GDAP1: variants seen among roughly 807,000 people sequenced by gnomAD.
The protein encoded by GDAP1 is ganglioside induced differentiation associated protein 1.
GDAP1 carries 34 observed loss-of-function variants against 40.1 expected under a neutral mutation model. That is an observed-to-expected ratio of 0.85 (90% CI 0.64 to 1.13). GDAP1 has a LOEUF of 1.13. GDAP1 is among the 50% of genes most tolerant of loss of function. GDAP1 has a pLI of 0.00. For missense variants in GDAP1, 374 were observed against 433.7 expected (o/e 0.86, Z 1.22); for synonymous variants, 170 against 157.4 (o/e 1.08, Z -0.60).
In GDAP1 at chr8:74,360,142, A is replaced by C; in HGVS notation, c.316A>C (p.Thr106Pro). 1 of 1,611,702 alleles carries C rather than the reference A, an allele frequency of 6.2e-7. No individual in the cohort carries two copies. Among genetic ancestry groups the C allele is most frequent in the Non-Finnish European group, 8.5e-7 (1 of 1,177,784 alleles). The change falls in exon 3 of 6, where the codon ACA becomes CCA. Residue 106 changes from threonine (T) to proline (P), a missense_variant. Coordinates refer to ENST00000220822, the MANE Select transcript of GDAP1 (RefSeq NM_018972.4). ...TTTGTGTGTGTGTATTTTAGAAAGA[A>C]CACCCAGGTTAATGCCTGATAAAGA... ...YLEQTFLDER[T>P]PRLMPDKESM...
At chr8:74,352,688 A>C (rs183282151) in intron 2 of GDAP1, among the ~76,000 whole-genome samples, 3 of 152,180 alleles carry the variant, frequency 2.0e-5, no homozygotes, top group Non-Finnish European at 4.4e-5. Flanking sequence ...CTTTCTTTTC[A>C]TCTTTATTTG....
intron 2 of GDAP1, among the ~76,000 whole-genome samples, chr8:74,488,473 CTAAAG>C (rs1407312862): frequency 6.6e-6 from 1 of 152,074 alleles, no homozygotes; most frequent in African/African-American, 2.4e-5. Flanking sequence ...TTCTTGGACT[CTAAAG>C]AAACAAATAT....
In GDAP1 at chr8:74,418,157, A is replaced by G. The variant is rs111354530; in HGVS notation, c.165+66836A>G. On this transcript the variant is annotated intron_variant, in intron 2 of 2. Transcript: ENST00000523640. ...ATGCCATTCCAATCAAAATCCCGGCAGATGTTTTTGTAGATATAGATAAGC... is the reference window on the plus strand; with the variant it reads ...ATGCCATTCCAATCAAAATCCCGGCGGATGTTTTTGTAGATATAGATAAGC... Among the ~76,000 whole-genome samples the G allele has an allele frequency of 5.3e-3, 805 of 152,336 alleles. 8 individuals are homozygous for G. The highest frequency in any genetic ancestry group is 0.017 in the African/African-American group (699 of 41,554).
rs769632836 is a variant in GDAP1, at chr8:74,351,347, A to G, written c.191A>G (p.Asn64Ser). The change falls in exon 2 of 6, where the codon AAT becomes AGT. Residue 64 changes from asparagine (N) to serine (S), a missense_variant. Physicochemically the swap from Asn to Ser is conservative, Grantham distance 46. Transcript: ENST00000220822. ...GTAAGTCTGCCCTTGAGTGAGCACA[A>G]TGAGCCTTGGTTTATGCGTTTGAAC... ...HDVSLPLSEH[N>S]EPWFMRLNST... The G allele has an allele frequency of 9.9e-6, 16 of 1,613,936 alleles. No homozygotes were observed. Among genetic ancestry groups the G allele is most frequent in the Admixed American group, 3.3e-5 (2 of 60,012 alleles).
At chr8:74,463,507 T>C (rs1238119853) in intron 2 of GDAP1, among the ~76,000 whole-genome samples, 2 of 151,792 alleles carry the variant, frequency 1.3e-5, no homozygotes, top group Non-Finnish European at 2.9e-5. Flanking sequence ...CTACACAATA[T>C]GCTGGAATGT....
intron 2 of GDAP1, among the ~76,000 whole-genome samples, chr8:74,392,965 GCTATACAGAATC>G (rs1810135345): frequency 6.6e-6 from 1 of 152,162 alleles, no homozygotes; most frequent in Non-Finnish European, 1.5e-5. Flanking sequence ...AGAAGCTAGC[GCTATACAGAATC>G]CTAGTAAAAT....
chr8:74,435,964 G>A (rs1293167041), intron 2 of GDAP1, among the ~76,000 whole-genome samples: 3 of 152,174 alleles, frequency 2.0e-5, no homozygotes, highest in African/African-American at 4.8e-5. Context: ...AGCATGTCAA[G>A]AATAAGAAAT....
intron 2 of GDAP1, among the ~76,000 whole-genome samples, chr8:74,402,359 A>C (rs1166064596): frequency 6.0e-5 from 9 of 150,448 alleles, no homozygotes; most frequent in Non-Finnish European, 1.0e-4. Context: ...CCTCCGAGCC[A>C]GTTGCGGGAT....
At chr8:74,481,158 T>C (rs1806705709) in intron 2 of GDAP1, among the ~76,000 whole-genome samples, 1 of 152,232 alleles carries the variant, frequency 6.6e-6, no homozygotes, top group Admixed American at 6.5e-5. Context: ...TAGTGGACAT[T>C]GAAATCAGAA....
chr8:74,360,783 G>C (rs1183029929), intron 3 of GDAP1, among the ~76,000 whole-genome samples: 1 of 152,198 alleles, frequency 6.6e-6, no homozygotes, highest in Non-Finnish European at 1.5e-5. Flanking sequence ...TATTGGGATT[G>C]AGTTGTGACA....
At chr8:74,467,760 A>AC (rs1563477394) in intron 2 of GDAP1, among the ~76,000 whole-genome samples, 1 of 151,990 alleles carries the variant, frequency 6.6e-6, no homozygotes, top group Non-Finnish European at 1.5e-5. Context: ...GAACTGTAGA[A>AC]CCCGGGGGCT....
At chr8:74,357,394 A>T (rs989608566) in intron 2 of GDAP1, among the ~76,000 whole-genome samples, 1 of 152,210 alleles carries the variant, frequency 6.6e-6, no homozygotes, top group Non-Finnish European at 1.5e-5. Context: ...ATTTAAAAAA[A>T]TGGCTCAGAG....
At chr8:74,367,417 G>C (rs2131528702), downstream of GDAP1, among the ~76,000 whole-genome samples, 1 of 152,192 alleles carries the variant, frequency 6.6e-6, no homozygotes, top group Non-Finnish European at 1.5e-5. Flanking sequence ...TTAAATGCAA[G>C]TCTAATTGGC....
chr8:74,468,156 CTT>C (rs1293539864), intron 2 of GDAP1, among the ~76,000 whole-genome samples: 3 of 151,908 alleles, frequency 2.0e-5, no homozygotes, highest in Admixed American at 1.3e-4. Context: ...GCACCATACT[CTT>C]TAAATTACGG....
In GDAP1 at chr8:74,402,054, G is replaced by A. The variant is rs551654531; in HGVS notation, c.165+50733G>A. Among the ~76,000 whole-genome samples, 44 of 150,272 alleles carry A rather than the reference G, an allele frequency of 2.9e-4. 2 individuals carry two copies. The East Asian group carries it at 3.9e-3, about 13-fold the overall frequency. On this transcript the variant is annotated intron_variant, in intron 2 of 2. Transcript: ENST00000523640. ...TGCCCGTTCTCAGATCTCCAGCTGCGTGCTGGGAGAACCACTGCTCTCTTC... is the reference window on the plus strand; with the variant it reads ...TGCCCGTTCTCAGATCTCCAGCTGCATGCTGGGAGAACCACTGCTCTCTTC...
chr8:74,408,712 G>T (rs143299366), intron 2 of GDAP1, among the ~76,000 whole-genome samples: 1 of 150,172 alleles, frequency 6.7e-6, no homozygotes, highest in East Asian at 1.9e-4. Flanking sequence ...ATGGGTGAAA[G>T]AGTAGAATGT....
At chr8:74,403,892 C>T (rs1805599664) in intron 2 of GDAP1, among the ~76,000 whole-genome samples, 1 of 150,072 alleles carries the variant, frequency 6.7e-6, no homozygotes, top group African/African-American at 2.5e-5. Context: ...CAGTCTATAT[C>T]TGCAAAGTTT....
intron 2 of GDAP1, among the ~76,000 whole-genome samples, chr8:74,407,963 C>T (rs1008899166): frequency 6.7e-6 from 1 of 149,746 alleles, no homozygotes; most frequent in Non-Finnish European, 1.5e-5. Context: ...CACCAAATTG[C>T]AAGTCTAAAA....
At chr8:74,428,269 C>T (rs1207626080) in intron 2 of GDAP1, among the ~76,000 whole-genome samples, 1 of 151,848 alleles carries the variant, frequency 6.6e-6, no homozygotes, top group African/African-American at 2.4e-5. Flanking sequence ...ACAACAACAA[C>T]AAAAGTACAG....
Sources: allele counts gnomAD v4.1 joint callset (sites outside exome capture counted in the v4.1 genomes callset), GRCh38; gene constraint gnomAD v4.1.1; transcripts MANE v1.5; gene names NCBI Gene and HGNC (gene_info 2026-07-23, HGNC 2026-07-21).